CHD5: variants seen among roughly 807,000 people sequenced by gnomAD.
CHD5 encodes the protein chromodomain helicase DNA binding protein 5.
Under a neutral mutation model 230.3 loss-of-function variants are expected in CHD5, and 69 were observed. The observed-to-expected ratio is 0.30, with a 90% confidence interval of 0.25 to 0.37. The LOEUF is 0.37. CHD5 is among the 10% of genes least tolerant of loss of function. The pLI is 1.00. For synonymous variants in CHD5, 1,064 were observed against 1,065.9 expected, an observed-to-expected ratio of 1.00 and a Z score of 0.03; for missense variants, 1,827 against 2,622.8, an observed-to-expected ratio of 0.70 and a Z score of 6.63.
chr1:6,166,750 A>G (rs1441777455), intron 2 of CHD5, among the ~76,000 whole-genome samples: 1 of 152,076 alleles, frequency 6.6e-6, no homozygotes, highest in East Asian at 1.9e-4. Flanking sequence ...CCAGAGGCGA[A>G]GGCAGGGACC....
intron 9 of CHD5, among the ~76,000 whole-genome samples, chr1:6,148,517 T>C (rs1557553563): frequency 1.3e-5 from 2 of 152,328 alleles, no homozygotes; most frequent in Non-Finnish European, 2.9e-5. Flanking sequence ...GAATACTCAG[T>C]AATGTTAAAG....
At position 6,118,292 on chromosome 1, in the gene CHD5, C is replaced by T. The variant is rs183401620; in HGVS notation, c.4912+2813G>A. On this transcript the variant is annotated intron_variant, in intron 33 of 41. Coordinates refer to ENST00000262450, the MANE Select transcript of CHD5 (RefSeq NM_015557.3). ...ACTTGGGAGGCTGAGGTGGAAAGATCGCTTGCACCCAGGGGGTCAAGGCTG... is the reference window on the plus strand; with the variant it reads ...ACTTGGGAGGCTGAGGTGGAAAGATTGCTTGCACCCAGGGGGTCAAGGCTG... Among the ~76,000 whole-genome samples, 23 of 149,692 alleles carry T rather than the reference C, an allele frequency of 1.5e-4. No individual in the cohort carries two copies. The East Asian group carries it at 3.2e-3, about 21-fold the overall frequency.
At position 6,124,040 on chromosome 1, in the gene CHD5, C is replaced by T. The variant is rs1413573305; in HGVS notation, c.4607G>A (p.Gly1536Glu). 5.6e-6 allele frequency: 9 copies of T among 1,613,098 alleles called. No homozygotes were observed. Among genetic ancestry groups the T allele is most frequent in the Non-Finnish European group, 7.6e-6 (9 of 1,179,650 alleles). ...TPDLIPEGPEGKKSGEVISSD... is the reference protein window; with the variant it reads ...TPDLIPEGPEEKKSGEVISSD... ...GGAGATCACCTCGCCCGACTTCTTC[C>T]CCTCGGGCCCCTCAGGGATCAAGTC... Residue 1536 changes from glycine (G) to glutamate (E), a missense_variant, in exon 31 of 42, where the codon GGG becomes GAG. Physicochemically the swap from Gly to Glu is moderately conservative, Grantham distance 98. Transcript: ENST00000262450.
In CHD5 at chr1:6,112,982, C is replaced by A. The variant is rs748920909; in HGVS notation, c.4929G>T (p.Glu1643Asp). 4 of 1,613,588 alleles carry A rather than the reference C, an allele frequency of 2.5e-6. No homozygotes were observed. Among genetic ancestry groups the A allele is most frequent in the Non-Finnish European group, 3.4e-6 (4 of 1,179,598 alleles). The change falls in exon 34 of 42, where the codon GAG becomes GAT. Residue 1643 changes from glutamate to aspartate, a missense_variant. This residue lies in a region of CHD5 where 272 missense variants were observed against 263.2 expected (regional missense o/e 1.03). Coordinates refer to ENST00000262450, the MANE Select transcript of CHD5 (RefSeq NM_015557.3). ...EQLPREEVLP[E>D]KEKILDKLEL... ...CCAGCTTGTCCAGGATCTTCTCCTT[C>A]TCAGGAAGCACCTCCTCTGCAAGAA...
intron 1 of CHD5, among the ~76,000 whole-genome samples, chr1:6,172,873 G>A (rs976422789): frequency 3.9e-5 from 6 of 152,144 alleles, no homozygotes; most frequent in Admixed American, 2.0e-4. Context: ...GAGCAAGGAC[G>A]CAGCCGCCAG....
chr1:6,157,683 C>G (rs1667100698), intron 3 of CHD5, among the ~76,000 whole-genome samples: 1 of 152,232 alleles, frequency 6.6e-6, no homozygotes, highest in Non-Finnish European at 1.5e-5. Context: ...ATGGGGCCCC[C>G]TCTGTGGCTG....
At chr1:6,109,758 G>A in intron 38 of CHD5, 37 bp downstream of exon 38, 1 of 1,572,228 alleles carries the variant, frequency 6.4e-7, no homozygotes. Context: ...AGGAGGAAGG[G>A]CGGGGGGCTG....
In CHD5 at chr1:6,105,792, C is replaced by T. The variant is rs925596240; in HGVS notation, c.*47-365G>A. Among the ~76,000 whole-genome samples the T allele has an allele frequency of 2.0e-5, 3 of 152,234 alleles. No individual in the cohort carries two copies. Among genetic ancestry groups the T allele is most frequent in the East Asian group, 1.9e-4 (1 of 5,200 alleles). On this transcript the variant is annotated intron_variant, in intron 41 of 41. Transcript: ENST00000262450. This position sits in a 1 kb window ranked among gnomAD's most constrained non-coding sequence, Gnocchi z 4.8. ...AGCCCCCTCTCCTGGCCAATAGCCC[C>T]CACAAAACCCTCAGCCACCCTCCTG...
intron 1 of CHD5, among the ~76,000 whole-genome samples, chr1:6,173,363 C>G (rs1159553789): frequency 1.3e-5 from 2 of 152,064 alleles, no homozygotes; most frequent in Non-Finnish European, 2.9e-5. Context: ...CTCGGCCTCC[C>G]AAAGTGCTGG....
At position 6,134,079 on chromosome 1, in the gene CHD5, C is replaced by T; in HGVS notation, c.3144+49G>A. ...CGCCCCCAAGCATCAGGGCAGGATG[C>T]TCTCTGTGGGGTGTGGAGCCGGGGC... On this transcript the variant is annotated intron_variant, in intron 20 of 41. Transcript: ENST00000262450. This position sits in a 1 kb window ranked among gnomAD's most constrained non-coding sequence, Gnocchi z 6.3. 6.4e-7 allele frequency: 1 copy of T among 1,572,472 alleles called. No individual in the cohort carries two copies. The highest frequency in any genetic ancestry group is 8.7e-7 in the Non-Finnish European group (1 of 1,154,458).
rs918809398 is a variant in CHD5 at position 6,126,234 on chromosome 1, G to A, written c.4078+338C>T. On this transcript the variant is annotated intron_variant, in intron 26 of 41. Coordinates refer to ENST00000262450, the MANE Select transcript of CHD5 (RefSeq NM_015557.3). The surrounding 1 kb of genome is among the most constrained non-coding windows in gnomAD (Gnocchi z 5.7). The stretch of plus-strand genomic sequence containing the variant: ...CCAGCTCCAACCAGCGCCGCCCAGC[G>A]TTCCTGGCCCCCACCTCCCGGGGGG... Among the ~76,000 whole-genome samples the A allele has an allele frequency of 5.3e-5, 8 of 151,914 alleles. No individual in the cohort carries two copies. The highest frequency in any genetic ancestry group is 2.1e-4 in the South Asian group (1 of 4,822).
chr1:6,148,565 G>A (rs984699455), intron 9 of CHD5, among the ~76,000 whole-genome samples: 1 of 152,214 alleles, frequency 6.6e-6, no homozygotes, highest in African/African-American at 2.4e-5. Context: ...CAGAGCACGT[G>A]GTCACTGAAC....
At chr1:6,108,808 G>C (rs1283072993) in intron 38 of CHD5, among the ~76,000 whole-genome samples, 1 of 150,008 alleles carries the variant, frequency 6.7e-6, no homozygotes, top group East Asian at 2.0e-4. Context: ...GGTGTGGAAG[G>C]ATGGAGGGAT....
rs1036881394 is a variant in CHD5, at chr1:6,167,879, C to A, written c.207+271G>T. Among the ~76,000 whole-genome samples, 1 of 152,208 alleles carries A rather than the reference C, an allele frequency of 6.6e-6. No individual in the cohort carries two copies. Among genetic ancestry groups the A allele is most frequent in the African/African-American group, 2.4e-5 (1 of 41,428 alleles). ...GGCACCGTGGCGACGGAATCCAGCCCTGTCCCTCGCACAGGATAGGACAAC... is the reference window on the plus strand; with the variant it reads ...GGCACCGTGGCGACGGAATCCAGCCATGTCCCTCGCACAGGATAGGACAAC... On this transcript the variant is annotated intron_variant, in intron 2 of 41. Transcript: ENST00000262450. The surrounding 1 kb of genome is among the most constrained non-coding windows in gnomAD (Gnocchi z 4.5).
Position 6,121,018 on chromosome 1 carries a change from G to T in CHD5, c.4912+87C>A. The T allele has an allele frequency of 3.6e-6, 5 of 1,400,730 alleles. No homozygotes were observed. Among genetic ancestry groups the T allele is most frequent in the Non-Finnish European group, 4.7e-6 (5 of 1,064,678 alleles). 86.8% of individuals were successfully genotyped at this position (1,400,730 alleles called of 1,614,324 possible). A position where few individuals can be genotyped will look rare whatever the true frequency, so the allele number is the denominator to read the frequency against. ...CCTCTCTGCCAGGGAGAAATGAGCG[G>T]AAGTACAGCCACCTGCCCTTCTCTG... is the stretch of plus-strand genomic sequence containing the variant. On this transcript the variant is annotated intron_variant, in intron 33 of 41. Transcript: ENST00000262450. The surrounding 1 kb of genome is among the most constrained non-coding windows in gnomAD (Gnocchi z 4.5).
intron 1 of CHD5, among the ~76,000 whole-genome samples, chr1:6,175,377 TGGTGG>T (rs1667409649): frequency 1.4e-5 from 2 of 145,758 alleles, no homozygotes; most frequent in East Asian, 4.0e-4. Context: ...CATGGATGGA[TGGTGG>T]ATGGATGCAT....
rs146062488 is a variant in CHD5 at position 6,154,816 on chromosome 1, C to T, written c.589G>A (p.Ala197Thr). 219 of 1,613,758 alleles carry T rather than the reference C, an allele frequency of 1.4e-4. 1 individual carries two copies. The highest frequency in any genetic ancestry group is 1.7e-4 in the Non-Finnish European group (199 of 1,180,004). The part of the protein sequence containing the change: ...VLGAKWREFS[A>T]NNPFKGSSAA... Reference sequence around the variant, plus strand: ...GAGCTGCCCTTGAAGGGGTTGTTGGCGCTGAACTCCCGCCACTTGGCACCC... The same window carrying T: ...GAGCTGCCCTTGAAGGGGTTGTTGGTGCTGAACTCCCGCCACTTGGCACCC... The change falls in exon 5 of 42, where the codon GCC becomes ACC. Residue 197 changes from alanine (A) to threonine (T), a missense_variant. Ala to Thr is a moderately conservative substitution (Grantham distance 58). Transcript: ENST00000262450. The surrounding 1 kb of genome is among the most constrained non-coding windows in gnomAD (Gnocchi z 7.0).
intron 1 of CHD5, among the ~76,000 whole-genome samples, chr1:6,171,801 G>A (rs1282979399): frequency 1.3e-5 from 2 of 152,224 alleles, no homozygotes; most frequent in African/African-American, 2.4e-5. Context: ...CCGGGTGAGG[G>A]GCTCCAGGGA....
In CHD5 at chr1:6,146,395, C is replaced by T. The variant is rs1215979211; in HGVS notation, c.1619G>A (p.Arg540His). 6.2e-6 allele frequency: 10 copies of T among 1,614,022 alleles called. No individual in the cohort carries two copies. The highest frequency in any genetic ancestry group is 1.1e-5 in the South Asian group (1 of 91,076). ...QLELYHTVMYRNYQRKNDMDE... is the reference protein window; with the variant it reads ...QLELYHTVMYHNYQRKNDMDE... ...CATGTCGTTCTTTCTTTGGTAGTTG[C>T]GATACATCACCGTGTGGTACAGCTC... Residue 540 changes from arginine to histidine, a missense_variant, in exon 11 of 42, where the codon CGC becomes CAC. Physicochemically the swap from Arg to His is conservative, Grantham distance 29. This residue lies in a region of CHD5 where 657 missense variants were observed against 816.4 expected (regional missense o/e 0.80). Transcript: ENST00000262450. The surrounding 1 kb of genome is among the most constrained non-coding windows in gnomAD (Gnocchi z 5.1).
Sources: allele counts gnomAD v4.1 joint callset (sites outside exome capture counted in the v4.1 genomes callset), GRCh38; gene constraint gnomAD v4.1.1; regional missense constraint gnomAD v4.1.1; non-coding constraint Gnocchi (gnomAD v3.1); transcripts MANE v1.5; gene names NCBI Gene and HGNC (gene_info 2026-07-23, HGNC 2026-07-21).